COL5A2: variants seen among roughly 807,000 people sequenced by gnomAD.
The protein encoded by COL5A2 is collagen type V alpha 2 chain, also known as collagen alpha-2(V) chain.
COL5A2 carries 23 observed loss-of-function variants against 208.2 expected under a neutral mutation model. That is an observed-to-expected ratio of 0.11 (90% CI 0.08 to 0.16). COL5A2 has a LOEUF of 0.16. Among genes scored for constraint, COL5A2 ranks in the 10% least tolerant of loss-of-function variants. The pLI, the probability that COL5A2 is intolerant of heterozygous loss-of-function variation, is 1.00. For synonymous variants in COL5A2, 625 were observed against 628.5 expected (o/e 0.99, Z 0.08); for missense variants, 1,590 against 1,956.4 (o/e 0.81, Z 3.53).
At chr2:189,415,486 A>AGTTAATTGT in the COL5A2 span, among the ~76,000 whole-genome samples, 2 of 152,056 alleles carry the variant, frequency 1.3e-5, no homozygotes, top group Admixed American at 6.6e-5. Context: ...AGATCAATCT[A>AGTTAATTGT]GTTAATTGTG....
At chr2:189,376,947 T>G in the COL5A2 span, among the ~76,000 whole-genome samples, 1 of 152,200 alleles carries the variant, frequency 6.6e-6, no homozygotes, top group Non-Finnish European at 1.5e-5. Flanking sequence ...GCTATTATTT[T>G]GTTAGAATTA....
the COL5A2 span, among the ~76,000 whole-genome samples, chr2:189,284,250 T>C: frequency 2.6e-5 from 4 of 152,202 alleles, no homozygotes; most frequent in Admixed American, 6.5e-5. Context: ...ATGTTTAATA[T>C]GGCATCCAAA....
intron 1 of COL5A2, among the ~76,000 whole-genome samples, chr2:189,156,603 C>T (rs1186240643): frequency 6.6e-6 from 1 of 152,086 alleles, no homozygotes; most frequent in African/African-American, 2.4e-5. Flanking sequence ...ACCAATAAGA[C>T]ATAGGCTTTT....
At chr2:189,396,938 C>A in the COL5A2 span, among the ~76,000 whole-genome samples, 1 of 147,312 alleles carries the variant, frequency 6.8e-6, no homozygotes. Flanking sequence ...TTGCAGTGAG[C>A]CAAGATCATG....
chr2:189,077,482 T>C (rs1387794892), intron 16 of COL5A2, among the ~76,000 whole-genome samples: 1 of 152,134 alleles, frequency 6.6e-6, no homozygotes, highest in Non-Finnish European at 1.5e-5. Context: ...TGGGAGACAG[T>C]TCTTAGAAAT....
At chr2:189,331,807 G>A in the COL5A2 span, among the ~76,000 whole-genome samples, 22 of 151,860 alleles carry the variant, frequency 1.4e-4, no homozygotes, top group Admixed American at 6.6e-4. Context: ...AAAATTAGCC[G>A]GGCGTGGTGA....
intron 1 of COL5A2, among the ~76,000 whole-genome samples, chr2:189,137,316 T>C (rs1687845084): frequency 6.6e-6 from 1 of 152,216 alleles, no homozygotes; most frequent in Non-Finnish European, 1.5e-5. Flanking sequence ...AATCTAATAA[T>C]AACATATATA....
At chr2:189,419,326 G>A in the COL5A2 span, among the ~76,000 whole-genome samples, 2 of 152,056 alleles carry the variant, frequency 1.3e-5, no homozygotes, top group South Asian at 2.1e-4. Context: ...TACTCTACAC[G>A]TACACAAAAG....
intron 32 of COL5A2, 57 bp downstream of exon 32, chr2:189,058,792 C>A (rs955935740): frequency 6.0e-6 from 9 of 1,500,460 alleles, no homozygotes; most frequent in Middle Eastern, 3.4e-4. Context: ...TAAAAGACAC[C>A]TTTTAAAACT....
the COL5A2 span, among the ~76,000 whole-genome samples, chr2:189,337,840 T>A: frequency 9.5e-4 from 143 of 151,236 alleles, 1 homozygote; most frequent in Non-Finnish European, 1.8e-3. Context: ...AAAAAAATGG[T>A]TTTGGAAAGT....
At chr2:189,378,057 A>C in the COL5A2 span, among the ~76,000 whole-genome samples, 1 of 152,150 alleles carries the variant, frequency 6.6e-6, no homozygotes, top group Non-Finnish European at 1.5e-5. Context: ...ATTATAAAAG[A>C]AGTTCTCATC....
At chr2:189,092,259 A>G in intron 7 of COL5A2, 51 bp downstream of exon 7, 2 of 1,125,992 alleles carry the variant, frequency 1.8e-6, no homozygotes, top group Non-Finnish European at 2.6e-6. Context: ...CAATATATCA[A>G]TAATTTAAAA....
chr2:189,144,331 G>A (rs1687996735), intron 1 of COL5A2, among the ~76,000 whole-genome samples: 1 of 152,102 alleles, frequency 6.6e-6, no homozygotes, highest in Admixed American at 6.6e-5. Context: ...GAGAGTACAA[G>A]TTTTGTTTCT....
intron 1 of COL5A2, among the ~76,000 whole-genome samples, chr2:189,170,747 TAA>T (rs1306919541): frequency 6.8e-6 from 1 of 147,176 alleles, no homozygotes. Flanking sequence ...CACTCTTAGG[TAA>T]AAAAAAAAGT....
chr2:189,192,359 A>G (rs1688941936), intron 1 of COL5A2, among the ~76,000 whole-genome samples: 1 of 152,226 alleles, frequency 6.6e-6, no homozygotes, highest in Non-Finnish European at 1.5e-5. Context: ...TCTACAGAAT[A>G]TTCTCTCTGG....
the COL5A2 span, among the ~76,000 whole-genome samples, chr2:189,425,864 T>C: frequency 6.6e-5 from 10 of 152,180 alleles, no homozygotes; most frequent in Admixed American, 2.0e-4. Context: ...CCCCTTTGCC[T>C]TCTGCTATAA....
chr2:189,193,266 T>C (rs1688953051), intron 1 of COL5A2, among the ~76,000 whole-genome samples: 1 of 152,170 alleles, frequency 6.6e-6, no homozygotes, highest in South Asian at 2.1e-4. Flanking sequence ...ATTTTCCAAC[T>C]TGAGCATTGA....
the COL5A2 span, among the ~76,000 whole-genome samples, chr2:189,299,066 T>G: frequency 2.0e-5 from 3 of 152,224 alleles, no homozygotes; most frequent in Non-Finnish European, 4.4e-5. Context: ...TACTATTTTC[T>G]AAAGTTGTAT....
At chr2:189,170,277 GA>G (rs1688548879) in intron 1 of COL5A2, among the ~76,000 whole-genome samples, 1 of 152,094 alleles carries the variant, frequency 6.6e-6, no homozygotes, top group South Asian at 2.1e-4. Context: ...ACGAATTGTG[GA>G]AAAAATTTTT....
Sources: gnomAD v4.1 joint callset for allele counts (sites outside exome capture counted in the v4.1 genomes callset) on GRCh38, gnomAD v4.1.1 for gene constraint, MANE v1.5 for transcripts, NCBI Gene and HGNC (gene_info 2026-07-23, HGNC 2026-07-21) for gene names.